GSE1: variants seen among roughly 807,000 people sequenced by gnomAD.
The protein encoded by GSE1 is Gse1 coiled-coil protein.
Under a neutral mutation model 112.6 loss-of-function variants are expected in GSE1, and 32 were observed. The ratio of observed to expected loss-of-function variants is 0.28; its 90% CI spans 0.21 to 0.38. The LOEUF is 0.38. Ranked by LOEUF, GSE1 falls within the 10% of genes least tolerant of loss-of-function variation. GSE1 has a pLI of 1.00. For missense variants in GSE1, 2,348 were observed against 1,699.2 expected, an observed-to-expected ratio of 1.38 and a Z score of -6.71; for synonymous variants, 1,115 against 735.6, an observed-to-expected ratio of 1.52 and a Z score of -8.35.
chr16:85,175,954 G>A (rs909085896), intron 1 of GSE1, among the ~76,000 whole-genome samples: 1 of 152,144 alleles, frequency 6.6e-6, no homozygotes, highest in African/African-American at 2.4e-5. Context: ...TTGAGTCTGT[G>A]CTCCAGCCTC....
At chr16:85,204,874 C>T (rs905478353) in intron 1 of GSE1, among the ~76,000 whole-genome samples, 1 of 152,180 alleles carries the variant, frequency 6.6e-6, no homozygotes, top group African/African-American at 2.4e-5. Context: ...CAGGGTCGTC[C>T]GCCTAGGGCC....
At chr16:85,592,060 G>T (rs1012494009) in intron 1 of GSE1, among the ~76,000 whole-genome samples, 1 of 150,484 alleles carries the variant, frequency 6.6e-6, no homozygotes, top group Non-Finnish European at 1.5e-5. Context: ...CCCGCCCCCC[G>T]CTCCCGTCAG....
At chr16:85,388,295 GAT>G (rs2047740994) in intron 2 of GSE1, among the ~76,000 whole-genome samples, 3 of 24,356 alleles carry the variant, frequency 1.2e-4, no homozygotes, top group Non-Finnish European at 3.1e-4. Context: ...TGGGTGGGTG[GAT>G]GGATGGATGG....
intron 2 of GSE1, among the ~76,000 whole-genome samples, chr16:85,506,868 G>A (rs1023597334): frequency 2.0e-5 from 3 of 152,154 alleles, no homozygotes; most frequent in Admixed American, 1.3e-4. Flanking sequence ...GACAGTGCCA[G>A]CAACCCAGCA....
intron 2 of GSE1, 26 bp downstream of exon 2, chr16:85,634,158 T>A: frequency 7.2e-7 from 1 of 1,392,736 alleles, no homozygotes; most frequent in Non-Finnish European, 9.3e-7. Context: ...AGGCTGCGCG[T>A]GGGGGGAGCG....
At chr16:85,414,280 C>T (rs555019102) in intron 2 of GSE1, among the ~76,000 whole-genome samples, 9 of 152,298 alleles carry the variant, frequency 5.9e-5, no homozygotes, top group South Asian at 4.1e-4. Context: ...GCTGGTATTT[C>T]GGGAACTGCA....
At chr16:85,359,755 G>T (rs377283304) in intron 2 of GSE1, among the ~76,000 whole-genome samples, 17 of 152,194 alleles carry the variant, frequency 1.1e-4, no homozygotes, top group African/African-American at 4.1e-4. Flanking sequence ...GAACCCCGAC[G>T]TCTGGCTCCC....
intron 2 of GSE1, among the ~76,000 whole-genome samples, chr16:85,541,569 C>T (rs942679796): frequency 6.6e-6 from 1 of 152,266 alleles, no homozygotes; most frequent in Non-Finnish European, 1.5e-5. Flanking sequence ...CCAGCCACTC[C>T]GTGGACAAGG....
Position 85,478,931 on chromosome 16 carries a change from T to TTG in GSE1, c.2464+121289_2464+121290insGT, listed in dbSNP as rs2050580969. 3.4e-5 allele frequency among the ~76,000 whole-genome samples: 3 copies of TTG among 89,400 alleles called. 1 individual carries two copies. The highest frequency in any genetic ancestry group is 1.6e-4 in the African/African-American group (3 of 18,428). The allele number at this position is 89,400 out of a possible 152,430, so 58.6% of individuals were successfully genotyped here. A position where few individuals can be genotyped will look rare whatever the true frequency, so the allele number is the denominator to read the frequency against. On this transcript the variant is annotated intron_variant, in intron 2 of 2. Coordinates refer to the GSE1 transcript ENST00000637419. ...TCTTTCTTTCTTTCTTTCTTTCTCTTTCTTTCTTTCTTTCTTTTTTTTTCT... is the reference window on the plus strand; with the variant it reads ...TCTTTCTTTCTTTCTTTCTTTCTCTTTGTCTTTCTTTCTTTCTTTTTTTTTCT...
chr16:85,618,941 G>C (rs139263725), intron 1 of GSE1, among the ~76,000 whole-genome samples: 337 of 152,364 alleles, frequency 2.2e-3, no homozygotes, highest in Non-Finnish European at 3.7e-3. Flanking sequence ...TGGAGTTACA[G>C]GCATGAGCCA....
intron 2 of GSE1, among the ~76,000 whole-genome samples, chr16:85,394,096 C>T (rs544180254): frequency 8.5e-5 from 13 of 152,240 alleles, no homozygotes; most frequent in African/African-American, 3.1e-4. Flanking sequence ...GGGTTGTTGA[C>T]CCCCTGGGAG....
At chr16:85,555,874 A>G, upstream of GSE1, 9 of 728,864 alleles carry the variant, frequency 1.2e-5, no homozygotes, top group Non-Finnish European at 1.5e-5. Context: ...TAACCCCCCA[A>G]TTTCATCACC....
chr16:85,572,850 T>A (rs1260814837), intron 1 of GSE1, among the ~76,000 whole-genome samples: 2 of 152,110 alleles, frequency 1.3e-5, no homozygotes, highest in Admixed American at 1.3e-4. Context: ...CTGCAGATGA[T>A]CAAGTCAGGG....
chr16:85,219,652 T>TTCA (rs1393242784), intron 1 of GSE1, among the ~76,000 whole-genome samples: 1 of 152,212 alleles, frequency 6.6e-6, no homozygotes, highest in Non-Finnish European at 1.5e-5. Context: ...ACTTTGAGTG[T>TTCA]TCATATCATG....
intron 2 of GSE1, among the ~76,000 whole-genome samples, chr16:85,507,734 C>T (rs540241993): frequency 4.6e-5 from 7 of 152,140 alleles, no homozygotes; most frequent in African/African-American, 7.2e-5. Flanking sequence ...CCTTAATCAC[C>T]TCTCCAAAGG....
intron 1 of GSE1, among the ~76,000 whole-genome samples, chr16:85,604,381 T>A (rs1337572705): frequency 6.6e-6 from 1 of 152,208 alleles, no homozygotes; most frequent in Non-Finnish European, 1.5e-5. Flanking sequence ...ACTGTATGGA[T>A]AAACCATGTT....
chr16:85,609,752 T>C (rs1330746668), upstream of GSE1, among the ~76,000 whole-genome samples: 1 of 152,136 alleles, frequency 6.6e-6, no homozygotes, highest in African/African-American at 2.4e-5. Flanking sequence ...CCTCCTGGGC[T>C]CAAGGGATCC....
chr16:85,583,642 T>G (rs1473890592), intron 1 of GSE1: 1 of 151,894 alleles, frequency 6.6e-6, no homozygotes, highest in Non-Finnish European at 1.5e-5. Context: ...AGTGAGTGAG[T>G]CACCTTCCTG....
intron 1 of GSE1, among the ~76,000 whole-genome samples, chr16:85,213,177 G>A (rs1020934795): frequency 1.3e-5 from 2 of 151,966 alleles, no homozygotes; most frequent in Admixed American, 1.3e-4. Context: ...GCTGAGGCAG[G>A]GGAATCTCTT....
Sources: gnomAD v4.1 joint callset for allele counts (sites outside exome capture counted in the v4.1 genomes callset) on GRCh38, gnomAD v4.1.1 for gene constraint, MANE v1.5 for transcripts, NCBI Gene and HGNC (gene_info 2026-07-23, HGNC 2026-07-21) for gene names.